EPHA6: variants seen among roughly 807,000 people sequenced by gnomAD.
EPHA6 encodes the protein EPH receptor A6.
A neutral mutation model predicts 112.0 loss-of-function variants in EPHA6; 50 were observed. That is an observed-to-expected ratio of 0.45 (90% CI 0.36 to 0.56). EPHA6 has a LOEUF of 0.56. EPHA6 is among the 20% of genes least tolerant of loss of function. The probability of loss-of-function intolerance (pLI) is 0.00; values close to 1 mark genes in which losing one functional copy is unlikely to be tolerated. For missense variants in EPHA6, 1,280 were observed against 1,417.4 expected, an observed-to-expected ratio of 0.90 and a Z score of 1.56; for synonymous variants, 529 against 490.7, an observed-to-expected ratio of 1.08 and a Z score of -1.03.
chr3:96,956,345 G>C (rs1488403081), intron 2 of EPHA6, among the ~76,000 whole-genome samples: 1 of 152,154 alleles, frequency 6.6e-6, no homozygotes, highest in East Asian at 1.9e-4. Flanking sequence ...AGTGTGCCCA[G>C]ATAGCTATGA....
intron 3 of EPHA6, among the ~76,000 whole-genome samples, chr3:97,156,118 G>A (rs1160045270): frequency 1.3e-5 from 2 of 152,130 alleles, no homozygotes; most frequent in Non-Finnish European, 1.5e-5. Flanking sequence ...TATTTTATCA[G>A]CTCTGTAAAT....
rs1576138557 is a variant in EPHA6, at chr3:96,948,077, A to T, written c.451-39253A>T. 2.0e-5 allele frequency among the ~76,000 whole-genome samples: 3 copies of T among 152,272 alleles called. No individual in the cohort carries two copies. In the East Asian group the frequency reaches 5.8e-4, roughly 29 times the overall value. On this transcript the variant is annotated intron_variant, in intron 2 of 17. Transcript: ENST00000389672. ...GTGGATGTACCTGGGATTTTTGAAA[A>T]TGGTATCCTGTACGTATTTTGGATA...
intron 6 of EPHA6, among the ~76,000 whole-genome samples, chr3:97,409,392 G>T (rs577369085): frequency 6.6e-6 from 1 of 152,166 alleles, no homozygotes. Flanking sequence ...AACAACATAT[G>T]TTTGAGGAAA....
At chr3:97,528,349 T>G (rs972888380) in intron 10 of EPHA6, among the ~76,000 whole-genome samples, 6 of 152,088 alleles carry the variant, frequency 3.9e-5, no homozygotes, top group Non-Finnish European at 7.4e-5. Context: ...GAGGCTAAAT[T>G]AGATGGGTTG....
chr3:97,584,710 G>C (rs1467363817), intron 11 of EPHA6, among the ~76,000 whole-genome samples: 11 of 152,132 alleles, frequency 7.2e-5, no homozygotes, highest in Non-Finnish European at 1.6e-4. Flanking sequence ...AACCAGAAGG[G>C]ACTTCCAGAC....
chr3:97,499,354 A>G (rs998604612), intron 10 of EPHA6, among the ~76,000 whole-genome samples: 2 of 152,304 alleles, frequency 1.3e-5, no homozygotes, highest in Admixed American at 1.3e-4. Context: ...TAAGATCTGT[A>G]TATCTTCTTC....
At chr3:97,417,665 T>C (rs950649419) in intron 6 of EPHA6, among the ~76,000 whole-genome samples, 1 of 152,092 alleles carries the variant, frequency 6.6e-6, no homozygotes, top group Non-Finnish European at 1.5e-5. Flanking sequence ...TCTGGTGTAG[T>C]GAGTTTTCTC....
chr3:97,614,752 G>A (rs2093751723), intron 13 of EPHA6, among the ~76,000 whole-genome samples: 1 of 152,034 alleles, frequency 6.6e-6, no homozygotes, highest in South Asian at 2.1e-4. Flanking sequence ...AAGCAAGAAG[G>A]ATTTAATTAA....
chr3:97,440,791 G>T (rs907350377), intron 6 of EPHA6, among the ~76,000 whole-genome samples: 31 of 151,406 alleles, frequency 2.0e-4, no homozygotes, highest in Admixed American at 7.9e-4. Context: ...AAAATCAAAA[G>T]CCAGTGTTTT....
At chr3:97,414,486 T>C (rs945416432) in intron 6 of EPHA6, among the ~76,000 whole-genome samples, 7 of 152,210 alleles carry the variant, frequency 4.6e-5, no homozygotes, top group African/African-American at 1.7e-4. Flanking sequence ...AAAAGTGCTC[T>C]GATACTTAAA....
At chr3:97,448,457 C>A in intron 6 of EPHA6, 111 bp from the exon 7 acceptor site, 1 of 1,134,076 alleles carries the variant, frequency 8.8e-7, no homozygotes, top group Non-Finnish European at 1.3e-6. Context: ...ACTTTGTAAT[C>A]AATACTTTTG....
intron 3 of EPHA6, among the ~76,000 whole-genome samples, chr3:97,125,921 T>C (rs2048170715): frequency 6.6e-6 from 1 of 152,208 alleles, no homozygotes; most frequent in South Asian, 2.1e-4. Context: ...TGATGTAGTT[T>C]GTCTTTGTAG....
intron 2 of EPHA6, among the ~76,000 whole-genome samples, chr3:96,917,442 A>G (rs967045813): frequency 6.7e-5 from 10 of 150,052 alleles, no homozygotes; most frequent in Admixed American, 1.3e-4. Context: ...AAAAAAAAGA[A>G]TTTTTTTTCA....
At chr3:97,391,891 A>G (rs1481900480) in intron 5 of EPHA6, among the ~76,000 whole-genome samples, 1 of 151,898 alleles carries the variant, frequency 6.6e-6, no homozygotes, top group African/African-American at 2.4e-5. Context: ...AATATGACTG[A>G]AATTTTCTTG....
At chr3:97,326,950 TA>T (rs2082458689) in intron 5 of EPHA6, among the ~76,000 whole-genome samples, 2 of 152,060 alleles carry the variant, frequency 1.3e-5, no homozygotes, top group Non-Finnish European at 2.9e-5. Flanking sequence ...AAAAGGAGCT[TA>T]TATCAGTGAT....
At chr3:97,560,405 C>A (rs1175923458) in intron 11 of EPHA6, 1 of 151,950 alleles carries the variant, frequency 6.6e-6, no homozygotes, top group Non-Finnish European at 1.5e-5. Flanking sequence ...GGTACATGTG[C>A]TTACTGAGAT....
chr3:97,633,513 C>A (rs187411365), intron 13 of EPHA6, among the ~76,000 whole-genome samples: 1 of 151,998 alleles, frequency 6.6e-6, no homozygotes, highest in African/African-American at 2.4e-5. Context: ...ATAAACAATT[C>A]GATTCAATTT....
chr3:96,923,738 T>C (rs1261095405), intron 2 of EPHA6, among the ~76,000 whole-genome samples: 1 of 152,206 alleles, frequency 6.6e-6, no homozygotes, highest in East Asian at 1.9e-4. Context: ...CTAGATTTTC[T>C]TCTAGAGATT....
intron 13 of EPHA6, among the ~76,000 whole-genome samples, chr3:97,612,889 G>A (rs773880682): frequency 6.6e-6 from 1 of 152,006 alleles, no homozygotes; most frequent in African/African-American, 2.4e-5. Context: ...CATATTGCAG[G>A]TGGCAGAGCA....
Sources: gnomAD v4.1 joint callset for allele counts (sites outside exome capture counted in the v4.1 genomes callset) on GRCh38, gnomAD v4.1.1 for gene constraint, MANE v1.5 for transcripts, NCBI Gene and HGNC (gene_info 2026-07-23, HGNC 2026-07-21) for gene names.